WDR20: variants seen among roughly 807,000 people sequenced by gnomAD.
The protein encoded by WDR20 is WD repeat-containing protein 20.
WDR20 carries 3 observed loss-of-function variants against 38.7 expected under a neutral mutation model. The ratio of observed to expected loss-of-function variants is 0.08; its 90% CI spans 0.04 to 0.20. The LOEUF is 0.20. Among genes scored for constraint, WDR20 ranks in the 10% least tolerant of loss-of-function variants. The pLI, the probability that WDR20 is intolerant of heterozygous loss-of-function variation, is 1.00. For missense variants in WDR20, 559 were observed against 727.7 expected, an observed-to-expected ratio of 0.77 and a Z score of 2.67; for synonymous variants, 298 against 285.6, an observed-to-expected ratio of 1.04 and a Z score of -0.44.
intron 1 of WDR20, among the ~76,000 whole-genome samples, chr14:102,161,504 G>C (rs1364422979): frequency 6.6e-6 from 1 of 151,836 alleles, no homozygotes; most frequent in Non-Finnish European, 1.5e-5. Flanking sequence ...TGTATAGACA[G>C]GGTTTCGCCA....
intron 1 of WDR20, among the ~76,000 whole-genome samples, chr14:102,193,981 A>G (rs1303671016): frequency 6.6e-6 from 1 of 152,208 alleles, no homozygotes; most frequent in African/African-American, 2.4e-5. Context: ...TCCTTCTTGA[A>G]AGTGGGGAGG....
At chr14:102,178,485 T>C (rs906202482) in intron 1 of WDR20, among the ~76,000 whole-genome samples, 1 of 151,942 alleles carries the variant, frequency 6.6e-6, no homozygotes, top group Non-Finnish European at 1.5e-5. Flanking sequence ...CTCTTCTCCC[T>C]CTCTTCCCTT....
intron 1 of WDR20, 88 bp from the exon 2 acceptor site, chr14:102,194,850 A>G (rs1224188640): frequency 2.3e-6 from 3 of 1,327,042 alleles, no homozygotes; most frequent in Non-Finnish European, 3.1e-6. Context: ...TTAAGATGAA[A>G]CATCATAATG....
chr14:102,144,617 C>G (rs2052900554), intron 1 of WDR20, among the ~76,000 whole-genome samples: 4 of 152,104 alleles, frequency 2.6e-5, no homozygotes. Context: ...CCATTCAGAT[C>G]TCAGCTTAAC....
intron 2 of WDR20, among the ~76,000 whole-genome samples, chr14:102,205,120 G>T (rs559759978): frequency 5.9e-5 from 9 of 152,172 alleles, no homozygotes; most frequent in Non-Finnish European, 1.0e-4. Context: ...TCAGCTGGGT[G>T]TGGCGACACT....
rs116798688 is a variant in WDR20, at chr14:102,158,110, A to G, written c.249+17938A>G. ...GCAATCATTATAACGCCCCTCGTAT[A>G]CACACTCGATCCCAGTCTTGGCTAA... On this transcript the variant is annotated intron_variant, in intron 1 of 2. Transcript: ENST00000342702. Among the ~76,000 whole-genome samples, 1,252 of 152,106 alleles carry G rather than the reference A, an allele frequency of 8.2e-3. 20 individuals are homozygous for G. The highest frequency in any genetic ancestry group is 0.024 in the African/African-American group (1,013 of 41,462).
intron 1 of WDR20, among the ~76,000 whole-genome samples, chr14:102,171,935 T>C (rs1448492389): frequency 6.6e-6 from 1 of 151,322 alleles, no homozygotes; most frequent in Non-Finnish European, 1.5e-5. Context: ...TTATTTTTAT[T>C]GATCATTCTT....
At chr14:102,145,781 AAC>A (rs2053401354) in intron 1 of WDR20, among the ~76,000 whole-genome samples, 2 of 151,950 alleles carry the variant, frequency 1.3e-5, no homozygotes, top group East Asian at 3.9e-4. Flanking sequence ...AAAAAAACAA[AAC>A]AATCAATAAT....
At chr14:102,223,192 A>C (rs2064110654) in exon 4 of WDR20, 2 of 164,180 alleles carry the variant, frequency 1.2e-5, no homozygotes, top group Non-Finnish European at 2.6e-5. Context: ...ACATATATAC[A>C]TAGTGTAAAA....
intron 1 of WDR20, among the ~76,000 whole-genome samples, chr14:102,149,853 C>T (rs916392786): frequency 1.1e-4 from 16 of 152,238 alleles, no homozygotes; most frequent in South Asian, 2.1e-4. Flanking sequence ...CCACCACGCC[C>T]GGCTAATTTT....
chr14:102,197,906 G>T, intron 2 of WDR20: 1 of 675,570 alleles, frequency 1.5e-6, no homozygotes, highest in South Asian at 1.6e-5. Context: ...TCAGGACCTT[G>T]ACTACCTACC....
chr14:102,190,046 C>T (rs2065935294), intron 1 of WDR20, among the ~76,000 whole-genome samples: 3 of 152,120 alleles, frequency 2.0e-5, no homozygotes, highest in Non-Finnish European at 1.5e-5. Context: ...GAAAGAGGGG[C>T]TGTCTGCTCT....
Position 102,222,808 on chromosome 14 carries a change from ATGTAGACTGCTT to A in WDR20, c.1693-18_1693-7del, listed in dbSNP as rs1567111616. On this transcript the variant is annotated splice_polypyrimidine_tract_variant and intron_variant, in intron 3 of 3. Transcript: ENST00000335263. This position sits in a 1 kb window ranked among gnomAD's most constrained non-coding sequence, Gnocchi z 4.4. ...GCCCGTCCGGTGTTTTGCTGGATTA[ATGTAGACTGCTT>A]TGTTTGCAGGGCTCATTGTCATCCC... The A allele has an allele frequency of 4.3e-6, 7 of 1,614,008 alleles. No individual in the cohort carries two copies. In the Admixed American group the frequency reaches 5.0e-5, roughly 12 times the overall value.
chr14:102,212,804 C>G, downstream of WDR20: 1 of 1,349,168 alleles, frequency 7.4e-7, no homozygotes, highest in Admixed American at 3.1e-5. Flanking sequence ...AAACTTTGAG[C>G]TTCCTCATTG....
intron 1 of WDR20, among the ~76,000 whole-genome samples, chr14:102,164,560 A>G (rs1029948822): frequency 6.6e-6 from 1 of 152,196 alleles, no homozygotes; most frequent in Non-Finnish European, 1.5e-5. Flanking sequence ...TCTCCAGGAT[A>G]CTGATGACTC....
At chr14:102,213,013 C>T (rs541916061), downstream of WDR20, 158 of 990,522 alleles carry the variant, frequency 1.6e-4, no homozygotes, top group African/African-American at 1.3e-3. Flanking sequence ...TGGAGAATCC[C>T]GCTCCCACCC....
At chr14:102,156,678 AT>A (rs1485042387) in intron 1 of WDR20, among the ~76,000 whole-genome samples, 1 of 151,444 alleles carries the variant, frequency 6.6e-6, no homozygotes, top group Non-Finnish European at 1.5e-5. Context: ...CTGGCCATAG[AT>A]TTCTTTTATA....
At chr14:102,193,606 C>G in intron 1 of WDR20, 1 of 1,242,982 alleles carries the variant, frequency 8.0e-7, no homozygotes, top group East Asian at 2.5e-5. Context: ...GTCCAGACTT[C>G]TACATGTGCA....
chr14:102,214,704 C>T, downstream of WDR20: 1 of 982,286 alleles, frequency 1.0e-6, no homozygotes, highest in South Asian at 4.7e-5. Context: ...CATGTATTTC[C>T]TTTTTTATAT....
Sources: allele counts gnomAD v4.1 joint callset (sites outside exome capture counted in the v4.1 genomes callset), GRCh38; gene constraint gnomAD v4.1.1; non-coding constraint Gnocchi (gnomAD v3.1); transcripts MANE v1.5; gene names NCBI Gene and HGNC (gene_info 2026-07-23, HGNC 2026-07-21).